The following CD207 variants were observed in gnomAD, a reference collection of about 807,000 sequenced individuals.
CD207 encodes CD207 molecule, also known as C-type lectin domain family 4 member K.
Under a neutral mutation model 31.6 loss-of-function variants are expected in CD207, and 28 were observed. That is an observed-to-expected ratio of 0.89 (90% CI 0.66 to 1.21). The LOEUF (loss-of-function observed/expected upper bound fraction) is 1.21. Ranked by LOEUF, CD207 falls within the 50% of genes most tolerant of loss-of-function variation. CD207 has a pLI of 0.00. For missense variants in CD207, 388 were observed against 397.8 expected (o/e 0.98, Z 0.21); for synonymous variants, 168 against 153.9 (o/e 1.09, Z -0.68).
At chr2:70,829,959 A>G (rs1322754121), downstream of CD207, among the ~76,000 whole-genome samples, 1 of 152,176 alleles carries the variant, frequency 6.6e-6, no homozygotes, top group Non-Finnish European at 1.5e-5. Flanking sequence ...ATAGACTAGA[A>G]GATTGTGCAG....
downstream of CD207, among the ~76,000 whole-genome samples, chr2:70,828,384 C>T (rs577649174): frequency 2.0e-5 from 3 of 152,318 alleles, no homozygotes; most frequent in East Asian, 5.8e-4. Context: ...GAAGCCAAGG[C>T]AATGCTGCAC....
chr2:70,832,444 A>C (rs559107956), intron 4 of CD207, among the ~76,000 whole-genome samples: 7 of 152,360 alleles, frequency 4.6e-5, no homozygotes, highest in Non-Finnish European at 7.3e-5. Context: ...GGAATCATTA[A>C]GGCTGTTCAC....
At chr2:70,824,712 C>G in the CD207 span, among the ~76,000 whole-genome samples, 4 of 147,452 alleles carry the variant, frequency 2.7e-5, no homozygotes, top group Non-Finnish European at 4.5e-5. Context: ...AAAGCCAGAG[C>G]AATTTGAGCA....
chr2:70,828,212 C>T (rs571286803), downstream of CD207, among the ~76,000 whole-genome samples: 66 of 152,306 alleles, frequency 4.3e-4, no homozygotes, highest in Non-Finnish European at 8.1e-4. Flanking sequence ...GACTAGAGCA[C>T]TATCAATGGT....
downstream of CD207, among the ~76,000 whole-genome samples, chr2:70,826,697 G>A (rs1677355031): frequency 1.3e-5 from 2 of 152,184 alleles, no homozygotes; most frequent in South Asian, 4.1e-4. Flanking sequence ...AAGGCTGTAA[G>A]TGCTAGTTCT....
Position 70,830,923 on chromosome 2 carries a change from T to A in CD207, c.*127A>T. 3.6e-6 allele frequency: 3 copies of A among 827,628 alleles called. No homozygotes were observed. Among genetic ancestry groups the A allele is most frequent in the Non-Finnish European group, 5.5e-6 (3 of 549,398 alleles). The allele number at this position is 827,628 out of a possible 1,614,324, so 51.3% of individuals were successfully genotyped here. The stretch of plus-strand genomic sequence containing the variant: ...AGACAGACGGACTCCAGAATGCCAC[T>A]GTGGGACAATTTTGAAGCAAGAAAA... On this transcript the variant is annotated 3_prime_UTR_variant, in exon 6 of 6. Coordinates refer to ENST00000410009, the MANE Select transcript of CD207 (RefSeq NM_015717.5).
Position 70,830,965 on chromosome 2 carries a change from A to T in CD207, c.*85T>A. Reference sequence around the variant, plus strand: ...GCAAGAAAAATTAACGTGCAAAGTCATCCTGGAGTCTGGGGAAGAAAGAGG... The same window carrying T: ...GCAAGAAAAATTAACGTGCAAAGTCTTCCTGGAGTCTGGGGAAGAAAGAGG... On this transcript the variant is annotated 3_prime_UTR_variant, in exon 6 of 6. Transcript: ENST00000410009. 7.6e-7 allele frequency: 1 copy of T among 1,307,710 alleles called. No homozygotes were observed. Among genetic ancestry groups the T allele is most frequent in the Non-Finnish European group, 1.1e-6 (1 of 945,048 alleles). 81.0% of individuals were successfully genotyped at this position (1,307,710 alleles called of 1,614,324 possible). A position where few individuals can be genotyped will look rare whatever the true frequency, so the allele number is the denominator to read the frequency against.
chr2:70,831,689 C>A lies in CD207; in HGVS notation c.836+12G>T. The A allele has an allele frequency of 6.4e-7, 1 of 1,555,934 alleles. No homozygotes were observed. Among genetic ancestry groups the A allele is most frequent in the East Asian group, 2.2e-5 (1 of 44,542 alleles). ...GAAAGTCAGGCTGGCACGGAGGGCTCCAGGGGCTTACCTCACACTTTGGAC... is the reference window on the plus strand; with the variant it reads ...GAAAGTCAGGCTGGCACGGAGGGCTACAGGGGCTTACCTCACACTTTGGAC... On this transcript the variant is annotated intron_variant, in intron 5 of 5. Coordinates refer to ENST00000410009, the MANE Select transcript of CD207 (RefSeq NM_015717.5).
At chr2:70,824,202 T>C in the CD207 span, among the ~76,000 whole-genome samples, 4 of 152,162 alleles carry the variant, frequency 2.6e-5, no homozygotes, top group East Asian at 1.9e-4. Flanking sequence ...AGCACTTGTA[T>C]TCAGCAGTAC....
rs544529240 is a variant in CD207, at chr2:70,830,767, G to C, written c.*283C>G. The C allele has an allele frequency of 4.2e-4, 127 of 301,300 alleles. 2 individuals are homozygous for C. The South Asian group carries it at 0.011, about 26-fold the overall frequency. The allele number at this position is 301,300 out of a possible 1,614,324, so 18.7% of individuals were successfully genotyped here. ...TGGAAAACCCCAGGGTGTTATGCCG[G>C]ATTACGGGTCTTGATCCTCCTTAGC... On this transcript the variant is annotated 3_prime_UTR_variant, in exon 6 of 6. Coordinates refer to ENST00000410009, the MANE Select transcript of CD207 (RefSeq NM_015717.5).
rs1677483826 is a variant in CD207, at chr2:70,831,875, G to C, written c.718-56C>G. ...GGCCACACTTGGAGCTTGATCATCT[G>C]TCTCTGGGTGTTCTTCACCTGCGCT... On this transcript the variant is annotated intron_variant, in intron 4 of 5. Coordinates refer to ENST00000410009, the MANE Select transcript of CD207 (RefSeq NM_015717.5). 5 of 1,139,454 alleles carry C rather than the reference G, an allele frequency of 4.4e-6. No homozygotes were observed. In the East Asian group the frequency reaches 1.2e-4, roughly 27 times the overall value. 70.6% of individuals were successfully genotyped at this position (1,139,454 alleles called of 1,614,324 possible).
At chr2:70,827,212 G>A (rs551728965), downstream of CD207, among the ~76,000 whole-genome samples, 8 of 152,148 alleles carry the variant, frequency 5.3e-5, no homozygotes, top group South Asian at 4.1e-4. Flanking sequence ...GAAGCCTTAC[G>A]AAATCCTTTC....
downstream of CD207, among the ~76,000 whole-genome samples, chr2:70,829,486 A>G (rs1346979336): frequency 2.6e-5 from 4 of 152,210 alleles, no homozygotes; most frequent in African/African-American, 9.6e-5. Context: ...GCTTGTTTGA[A>G]TAGTTTCTCA....
intron 4 of CD207, 68 bp from the exon 5 acceptor site, chr2:70,831,887 T>A: frequency 9.6e-7 from 1 of 1,040,252 alleles, no homozygotes; most frequent in South Asian, 1.3e-5. Context: ...CTCTGGGTGT[T>A]CTTCACCTGC....
chr2:70,832,867 C>T, intron 4 of CD207, 33 bp downstream of exon 4: 1 of 1,590,328 alleles, frequency 6.3e-7, no homozygotes, highest in South Asian at 1.1e-5. Flanking sequence ...GCTCATACGC[C>T]CCCTTCACAG....
intron 2 of CD207, among the ~76,000 whole-genome samples, chr2:70,834,896 G>A (rs1475170992): frequency 1.3e-5 from 2 of 152,212 alleles, no homozygotes; most frequent in East Asian, 3.8e-4. Flanking sequence ...GCCTGACAGA[G>A]CCAGAAAAGG....
intron 2 of CD207, among the ~76,000 whole-genome samples, chr2:70,834,865 G>T (rs1407599876): frequency 2.6e-5 from 4 of 152,344 alleles, no homozygotes; most frequent in African/African-American, 9.6e-5. Context: ...AGAAGGCTCT[G>T]CCAGCAGCAA....
chr2:70,831,799 C>G lies in CD207; in HGVS notation c.738G>C (p.Ala246=). The G allele has an allele frequency of 1.9e-6, 3 of 1,611,562 alleles. No individual in the cohort carries two copies. The highest frequency in any genetic ancestry group is 2.5e-6 in the Non-Finnish European group (3 of 1,177,740). The change falls in exon 5 of 6, where the codon GCG becomes GCC. Residue 246 remains alanine (A), a synonymous_variant. Coordinates refer to ENST00000410009, the MANE Select transcript of CD207 (RefSeq NM_015717.5). ...GGCCAATCCAGTAGATGAGTCCCCC[C>G]GCTGTTTTATACAGAAACTCCTGTA... is the stretch of plus-strand genomic sequence containing the variant. The part of the protein sequence containing the change: ...ESEQEFLYKT[A]GGLIYWIGLT...
In CD207 at chr2:70,835,613, GGA is replaced by G. The variant is rs1558630688; in HGVS notation, c.74-8_74-7del. 6.8e-6 allele frequency: 11 copies of G among 1,612,728 alleles called. No homozygotes were observed. The highest frequency in any genetic ancestry group is 1.6e-4 in the Middle Eastern group (1 of 6,084). Reference sequence around the variant, plus strand: ...ACCGGACTTGGGAGGAGGCTCTGTTGGAAGAAGAAGAAAATGTGTGTTGAAGG... The same window carrying G: ...ACCGGACTTGGGAGGAGGCTCTGTTGAGAAGAAGAAAATGTGTGTTGAAGG... On this transcript the variant is annotated splice_region_variant and splice_polypyrimidine_tract_variant and intron_variant, in intron 1 of 5. Transcript: ENST00000410009.
Sources: allele counts gnomAD v4.1 joint callset (sites outside exome capture counted in the v4.1 genomes callset), GRCh38; gene constraint gnomAD v4.1.1; transcripts MANE v1.5; gene names NCBI Gene and HGNC (gene_info 2026-07-23, HGNC 2026-07-21).